The following RBM28 variants were observed in gnomAD, a reference collection of about 807,000 sequenced individuals.
RBM28 encodes RNA binding motif protein 28.
Under a neutral mutation model 98.3 loss-of-function variants are expected in RBM28, and 78 were observed. That is an observed-to-expected ratio of 0.79 (90% CI 0.66 to 0.96). The LOEUF (loss-of-function observed/expected upper bound fraction) is 0.96. Ranked by LOEUF, RBM28 falls within the 40% of genes least tolerant of loss-of-function variation. The pLI is 0.00. For synonymous variants in RBM28, 306 were observed against 330.9 expected (o/e 0.92, Z 0.82); for missense variants, 838 against 913.0 (o/e 0.92, Z 1.06).
intron 18 of RBM28, among the ~76,000 whole-genome samples, chr7:128,311,293 G>C (rs1795979120): frequency 6.6e-6 from 1 of 152,110 alleles, no homozygotes; most frequent in Admixed American, 6.5e-5. Flanking sequence ...ACTGCTCATG[G>C]GATTTCAGAG....
rs1334314932 is a variant in RBM28 at position 128,300,733 on chromosome 7, G to A, written c.*10064C>T. ...CTCCCATGCTGACTCCAATTGTTGG[G>A]TGCGGTTGCATGGATTGATGTCAAA... On this transcript the variant is annotated 3_prime_UTR_variant, in exon 19 of 19. Coordinates refer to ENST00000223073, the MANE Select transcript of RBM28 (RefSeq NM_018077.3). The A allele has an allele frequency of 6.6e-6, 1 of 152,394 alleles. No homozygotes were observed. Among genetic ancestry groups the A allele is most frequent in the Non-Finnish European group, 1.5e-5 (1 of 68,138 alleles). 9.4% of individuals were successfully genotyped at this position (152,394 alleles called of 1,614,324 possible). A position where few individuals can be genotyped will look rare whatever the true frequency, so the allele number is the denominator to read the frequency against.
intron 9 of RBM28, among the ~76,000 whole-genome samples, chr7:128,331,318 CTA>C (rs1292141802): frequency 7.2e-6 from 1 of 138,358 alleles, no homozygotes; most frequent in African/African-American, 2.6e-5. Flanking sequence ...TTTACAGAAT[CTA>C]TGTTATACCT....
chr7:128,324,471 A>G, intron 12 of RBM28, 88 bp downstream of exon 12: 1 of 1,582,816 alleles, frequency 6.3e-7, no homozygotes, highest in East Asian at 2.2e-5. Context: ...TTTAATTTGA[A>G]ACATGCTTCC....
At chr7:128,311,289 C>T (rs1795978950) in intron 18 of RBM28, among the ~76,000 whole-genome samples, 2 of 152,296 alleles carry the variant, frequency 1.3e-5, no homozygotes, top group African/African-American at 4.8e-5. Context: ...GAACACTGCT[C>T]ATGGGATTTC....
chr7:128,335,511 G>A, intron 8 of RBM28, 32 bp downstream of exon 8: 1 of 1,613,796 alleles, frequency 6.2e-7, no homozygotes, highest in Middle Eastern at 1.7e-4. Flanking sequence ...CTTTTTTAAA[G>A]TCTAAAGACA....
At chr7:128,333,383 A>G in intron 8 of RBM28, 21 bp from the exon 9 acceptor site, 1 of 1,541,676 alleles carries the variant, frequency 6.5e-7, no homozygotes, top group South Asian at 1.1e-5. Context: ...AAGAAAAACA[A>G]CAAACTGAAA....
At position 128,315,001 on chromosome 7, in the gene RBM28, G is replaced by C. The variant is rs560437245; in HGVS notation, c.1808C>G (p.Pro603Arg). ...QRSLQKMRSK[P>R]ATGEPQKGQP... ...CCCCTTCTGAGGCTCACCAGTTGCA[G>C]GCTTGGATCTCATTTTTTGCTGCAT... Residue 603 changes from proline (P) to arginine (R), a missense_variant, in exon 17 of 19, where the codon CCT becomes CGT. Pro to Arg is a moderately radical substitution (Grantham distance 103). Transcript: ENST00000223073. 1.9e-5 allele frequency: 30 copies of C among 1,614,220 alleles called. 1 individual carries two copies. The South Asian group carries it at 3.2e-4, about 17-fold the overall frequency.
chr7:128,338,676 G>T, intron 4 of RBM28, 50 bp downstream of exon 4: 1 of 1,284,680 alleles, frequency 7.8e-7, no homozygotes, highest in South Asian at 1.2e-5. Flanking sequence ...TTTGTTCAAG[G>T]GTAATATGTT....
At position 128,300,876 on chromosome 7, in the gene RBM28, C is replaced by G. The variant is rs1021577845; in HGVS notation, c.*9921G>C. On this transcript the variant is annotated 3_prime_UTR_variant, in exon 19 of 19. Transcript: ENST00000223073. ...GCCATCTCTTCACAGCGCTCCACCCCTAGGGCCTGCTTAAATGGCACAGCC... is the reference window on the plus strand; with the variant it reads ...GCCATCTCTTCACAGCGCTCCACCCGTAGGGCCTGCTTAAATGGCACAGCC... 2 of 152,400 alleles carry G rather than the reference C, an allele frequency of 1.3e-5. No homozygotes were observed. The highest frequency in any genetic ancestry group is 4.8e-5 in the African/African-American group (2 of 41,468). 9.4% of individuals were successfully genotyped at this position (152,400 alleles called of 1,614,324 possible). A position where few individuals can be genotyped will look rare whatever the true frequency, so the allele number is the denominator to read the frequency against.
chr7:128,333,438 C>T, intron 8 of RBM28, 76 bp from the exon 9 acceptor site: 6 of 1,252,548 alleles, frequency 4.8e-6, no homozygotes, highest in Non-Finnish European at 5.8e-6. Flanking sequence ...TTCTTAAGTA[C>T]ATAAAGATAA....
chr7:128,329,746 G>A (rs929740330), intron 10 of RBM28, among the ~76,000 whole-genome samples: 7 of 151,966 alleles, frequency 4.6e-5, no homozygotes, highest in African/African-American at 9.7e-5. Flanking sequence ...AAAATTAGCC[G>A]GGTGCAGTGG....
rs1346152367 is a variant in RBM28 at position 128,301,312 on chromosome 7, C to T, written c.*9485G>A. 1 of 152,280 alleles carries T rather than the reference C, an allele frequency of 6.6e-6. No individual in the cohort carries two copies. The highest frequency in any genetic ancestry group is 1.5e-5 in the Non-Finnish European group (1 of 68,102). 9.4% of individuals were successfully genotyped at this position (152,280 alleles called of 1,614,324 possible). A position where few individuals can be genotyped will look rare whatever the true frequency, so the allele number is the denominator to read the frequency against. On this transcript the variant is annotated 3_prime_UTR_variant, in exon 19 of 19. Transcript: ENST00000223073. ...GGACTGGAGGGTCTGAGTGATTTGT[C>T]CAGGGTCATCCTCTGTCCTTTGGCT...
At chr7:128,313,549 G>A (rs1488432965) in intron 17 of RBM28, among the ~76,000 whole-genome samples, 2 of 152,162 alleles carry the variant, frequency 1.3e-5, no homozygotes, top group Admixed American at 1.3e-4. Context: ...AAGGTGGATT[G>A]AGTCCAGGAG....
chr7:128,317,667 G>C lies in RBM28; in HGVS notation c.1780C>G (p.Arg594Gly). 6.3e-7 allele frequency: 1 copy of C among 1,599,820 alleles called. No individual in the cohort carries two copies. Among genetic ancestry groups the C allele is most frequent in the Admixed American group, 1.7e-5 (1 of 60,010 alleles). The change falls in exon 16 of 19, where the codon CGC (arginine) becomes GGC (glycine). Residue 594 changes from arginine to glycine, a missense_variant. By Grantham distance (125) the Arg-to-Gly change is moderately radical. Transcript: ENST00000223073. The part of the protein sequence containing the change: ...KLKMKELRIQ[R>G]SLQKMRSKPA... ...CCATTTAATTTCTGTACCAAGCTGC[G>C]CTGGATCCTTAATTCCTTCATTTTA...
Position 128,337,200 on chromosome 7 carries a change from G to A in RBM28, c.544C>T (p.Arg182Trp), listed in dbSNP as rs767018765. Reference sequence around the variant, plus strand: ...ACGGCCCAATCCACAGCCACTGTCCGGCCTGTCAAGCAGAAAAGTGGCATC... The same window carrying A: ...ACGGCCCAATCCACAGCCACTGTCCAGCCTGTCAAGCAGAAAAGTGGCATC... The part of the protein sequence containing the change: ...KGMNMKEIKG[R>W]TVAVDWAVAK... The change falls in exon 6 of 19, where the codon CGG becomes TGG. Residue 182 changes from arginine (R) to tryptophan (W), a missense_variant and splice_region_variant. Arg to Trp is a moderately radical substitution (Grantham distance 101). Transcript: ENST00000223073. 1.7e-5 allele frequency: 27 copies of A among 1,613,892 alleles called. No individual in the cohort carries two copies. Among genetic ancestry groups the A allele is most frequent in the South Asian group, 3.3e-5 (3 of 91,076 alleles).
At chr7:128,336,144 T>C in intron 6 of RBM28, 102 bp from the exon 7 acceptor site, 3 of 1,159,476 alleles carry the variant, frequency 2.6e-6, no homozygotes, top group South Asian at 2.9e-5. Flanking sequence ...TCATCGGTTT[T>C]ACAGAATTTC....
At chr7:128,337,649 CCAGGTTCA>C (rs1796631258) in intron 5 of RBM28, among the ~76,000 whole-genome samples, 1 of 151,616 alleles carries the variant, frequency 6.6e-6, no homozygotes, top group Non-Finnish European at 1.5e-5. Flanking sequence ...ACCTCCGCCT[CCAGGTTCA>C]AGCGATTCTC....
chr7:128,328,335 G>A (rs942183422), intron 10 of RBM28, among the ~76,000 whole-genome samples: 2 of 152,132 alleles, frequency 1.3e-5, no homozygotes, highest in Admixed American at 6.6e-5. Flanking sequence ...TTTATCATTG[G>A]AGTTTCCAGA....
At chr7:128,337,768 G>C (rs1160171058) in intron 5 of RBM28, among the ~76,000 whole-genome samples, 1 of 152,034 alleles carries the variant, frequency 6.6e-6, no homozygotes. Context: ...ATGTTGACCA[G>C]GCTGGTCTTG....
Sources: allele counts gnomAD v4.1 joint callset (sites outside exome capture counted in the v4.1 genomes callset), GRCh38; gene constraint gnomAD v4.1.1; transcripts MANE v1.5; gene names NCBI Gene and HGNC (gene_info 2026-07-23, HGNC 2026-07-21).